Variants in AMHR2 observed in about 807,000 individuals in gnomAD.
AMHR2 encodes the protein anti-Muellerian hormone type-2 receptor.
Under a neutral mutation model 61.4 loss-of-function variants are expected in AMHR2, and 36 were observed. The observed-to-expected ratio is 0.59, with a 90% CI of 0.45 to 0.77. AMHR2 has a LOEUF of 0.77. Ranked by LOEUF, AMHR2 falls within the 30% of genes least tolerant of loss-of-function variation. The pLI is 0.00. For synonymous variants in AMHR2, 258 were observed against 279.4 expected (o/e 0.92, Z 0.76); for missense variants, 638 against 714.6 (o/e 0.89, Z 1.22).
Position 53,424,888 on chromosome 12 carries a change from C to T in AMHR2, c.412C>T (p.Gln138Ter). The T allele has an allele frequency of 3.1e-6, 5 of 1,611,526 alleles. No individual in the cohort carries two copies. Among genetic ancestry groups the T allele is most frequent in the Non-Finnish European group, 3.4e-6 (4 of 1,179,896 alleles). ...TGGGACTCCTGGCTCCCAGGGTCCC[C>T]AGGCTGCCCCAGGTAGCCACCCAAG... is the stretch of plus-strand genomic sequence containing the variant. ...SPGTPGSQGP[Q>*]AAPGESIWMA... is the part of the protein sequence containing the mutation. The change falls in exon 3 of 11, where the codon CAG becomes TAG. Residue 138 changes from glutamine to a stop codon, truncating the protein, a stop_gained. Transcript: ENST00000257863. LOFTEE classifies it high-confidence loss of function.
Position 53,425,829 on chromosome 12 carries a change from C to G in AMHR2, c.762C>G (p.His254Gln), listed in dbSNP as rs115267458. The G allele has an allele frequency of 6.2e-7, 1 of 1,614,048 alleles. No individual in the cohort carries two copies. Among genetic ancestry groups the G allele is most frequent in the Non-Finnish European group, 8.5e-7 (1 of 1,180,050 alleles). ...TGTACGAACTTCCAGGCCTACAGCA[C>G]GACCACATTGTCCGATTTATCACTG... ...RALYELPGLQ[H>Q]DHIVRFITAS... The change falls in exon 6 of 11, where the codon CAC becomes CAG. Residue 254 changes from histidine to glutamine, a missense_variant. Transcript: ENST00000257863.
In AMHR2 at chr12:53,425,931, G is replaced by C. The variant is rs1565834130; in HGVS notation, c.852+12G>C. 6.2e-7 allele frequency: 1 copy of C among 1,611,750 alleles called. No individual in the cohort carries two copies. Among genetic ancestry groups the C allele is most frequent in the Non-Finnish European group, 8.5e-7 (1 of 1,178,506 alleles). ...AACTGCATCCCAAGGTGAGCACCAA[G>C]GAGTGTATATGTGTGTGTGTGTGCC... On this transcript the variant is annotated intron_variant, in intron 6 of 10. Transcript: ENST00000257863.
At chr12:53,424,986 C>T in intron 3 of AMHR2, 86 bp downstream of exon 3, 1 of 1,551,402 alleles carries the variant, frequency 6.4e-7, no homozygotes, top group Non-Finnish European at 8.8e-7. Context: ...TCTCACCCTA[C>T]TCCCGCCCCA....
Position 53,429,600 on chromosome 12 carries a change from C to T in AMHR2, c.1115C>T (p.Pro372Leu), listed in dbSNP as rs780536444. 6 of 1,613,980 alleles carry T rather than the reference C, an allele frequency of 3.7e-6. No homozygotes were observed. The highest frequency in any genetic ancestry group is 1.3e-5 in the African/African-American group (1 of 74,902). ...CCCCCTGCCTGGACCCCTACTCAAC[C>T]ACAAGGCCCAGCTGCCATCATGGAA... ...TQPPAWTPTQ[P>L]QGPAAIMEAG... The change falls in exon 8 of 11, where the codon CCA (proline) becomes CTA (leucine). Residue 372 changes from proline to leucine, a missense_variant. By Grantham distance (98) the Pro-to-Leu change is moderately conservative (BLOSUM62 -3). Coordinates refer to ENST00000257863, the MANE Select transcript of AMHR2 (RefSeq NM_020547.3).
intron 6 of AMHR2, 136 bp downstream of exon 6, chr12:53,426,055 G>C (rs1422507765): frequency 1.0e-6 from 1 of 999,824 alleles, no homozygotes; most frequent in Non-Finnish European, 1.5e-6. Context: ...AAATGGCCAG[G>C]CGAGGTGGCC....
chr12:53,431,029 T>A, intron 10 of AMHR2, 148 bp from the exon 11 acceptor site: 3 of 1,025,380 alleles, frequency 2.9e-6, no homozygotes, highest in Non-Finnish European at 4.4e-6. Context: ...AGGGCTGGAA[T>A]TCAGCAAGAG....
chr12:53,430,026 T>C (rs753223900), intron 9 of AMHR2, 48 bp downstream of exon 9: 2 of 1,614,122 alleles, frequency 1.2e-6, no homozygotes, highest in South Asian at 2.2e-5. Flanking sequence ...CCCCCGCCCA[T>C]TCTAGGTTCA....
Position 53,429,021 on chromosome 12 carries a change from T to A in AMHR2, c.967+11T>A. 6.5e-7 allele frequency: 1 copy of A among 1,547,046 alleles called. No individual in the cohort carries two copies. Among genetic ancestry groups the A allele is most frequent in the South Asian group, 1.2e-5 (1 of 83,966 alleles). On this transcript the variant is annotated intron_variant, in intron 7 of 10. Coordinates refer to ENST00000257863, the MANE Select transcript of AMHR2 (RefSeq NM_020547.3). ...AGCGCTGGCAGAATGGTGGGTGAGC[T>A]GGGCATAGGAAGTCAAGGGAGCCAC...
intron 6 of AMHR2, among the ~76,000 whole-genome samples, chr12:53,428,076 A>G (rs1939773825): frequency 6.6e-6 from 1 of 152,234 alleles, no homozygotes; most frequent in Non-Finnish European, 1.5e-5. Flanking sequence ...CTCCTGGCCC[A>G]GCTCAAAAAT....
chr12:53,425,947 T>G (rs917014741), intron 6 of AMHR2, 28 bp downstream of exon 6: 5 of 1,593,428 alleles, frequency 3.1e-6, no homozygotes, highest in South Asian at 1.1e-5. Context: ...TATATGTGTG[T>G]GTGTGTGCCT....
Position 53,430,160 on chromosome 12 carries a change from C to A in AMHR2, c.1303C>A (p.Pro435Thr). ...PDLRPDSSPP[P>T]FQLAYEAELG... Reference sequence around the variant, plus strand: ...CCTTCCTCCAGACAGCAGTCCACCACCCTTCCAACTGGCCTATGAGGCAGA... The same window carrying A: ...CCTTCCTCCAGACAGCAGTCCACCAACCTTCCAACTGGCCTATGAGGCAGA... The change falls in exon 10 of 11, where the codon CCC becomes ACC. Residue 435 changes from proline (P) to threonine (T), a missense_variant. Physicochemically the swap from Pro to Thr is conservative, Grantham distance 38. Coordinates refer to ENST00000257863, the MANE Select transcript of AMHR2 (RefSeq NM_020547.3). 1 of 1,614,224 alleles carries A rather than the reference C, an allele frequency of 6.2e-7. No individual in the cohort carries two copies. The highest frequency in any genetic ancestry group is 8.5e-7 in the Non-Finnish European group (1 of 1,180,036).
At chr12:53,430,091 A>T in intron 9 of AMHR2, 55 bp from the exon 10 acceptor site, 1 of 1,614,044 alleles carries the variant, frequency 6.2e-7, no homozygotes, top group Non-Finnish European at 8.5e-7. Flanking sequence ...TGCCCTTTCT[A>T]CATGGTAGGC....
chr12:53,426,876 T>C (rs1165965214), intron 6 of AMHR2, among the ~76,000 whole-genome samples: 1 of 151,056 alleles, frequency 6.6e-6, no homozygotes, highest in African/African-American at 2.4e-5. Flanking sequence ...AGAGACGGGG[T>C]TTCACCATGT....
Position 53,429,519 on chromosome 12 carries a change from G to A in AMHR2, c.1034G>A (p.Gly345Glu). 1 of 1,613,620 alleles carries A rather than the reference G, an allele frequency of 6.2e-7. No homozygotes were observed. Residue 345 changes from glycine to glutamate, a missense_variant, in exon 8 of 11, where the codon GGA (glycine) becomes GAA (glutamate). Gly to Glu is a moderately conservative substitution (Grantham distance 98). Coordinates refer to ENST00000257863, the MANE Select transcript of AMHR2 (RefSeq NM_020547.3). ...SSQNVLIRED[G>E]SCAIGDLGLA... is the part of the protein sequence containing the mutation. ...CAGAATGTGCTCATTCGGGAAGATGGATCGTGTGCCATTGGAGACCTGGGC... is the reference window on the plus strand; with the variant it reads ...CAGAATGTGCTCATTCGGGAAGATGAATCGTGTGCCATTGGAGACCTGGGC...
intron 6 of AMHR2, among the ~76,000 whole-genome samples, chr12:53,428,542 A>G (rs1024062739): frequency 3.3e-5 from 5 of 152,166 alleles, no homozygotes; most frequent in African/African-American, 1.2e-4. Flanking sequence ...CTCCTGCCTC[A>G]CCGACTGACT....
chr12:53,428,907 C>T lies in AMHR2; in HGVS notation c.864C>T (p.Cys288=). The T allele has an allele frequency of 6.4e-7, 1 of 1,551,414 alleles. No homozygotes were observed. Among genetic ancestry groups the T allele is most frequent in the Non-Finnish European group, 8.7e-7 (1 of 1,146,870 alleles). ...CTGCGTTTCCCCAGGGCTCCCTGTG[C>T]CACTACTTGACCCAGTACACCAGTG... is the stretch of plus-strand genomic sequence containing the variant. The part of the protein sequence containing the change: ...VLELHPKGSL[C]HYLTQYTSDW... Residue 288 remains cysteine (C), a synonymous_variant, in exon 7 of 11, where the codon TGC becomes TGT. Coordinates refer to ENST00000257863, the MANE Select transcript of AMHR2 (RefSeq NM_020547.3).
intron 8 of AMHR2, 29 bp downstream of exon 8, chr12:53,429,654 C>T (rs1195746020): frequency 6.2e-7 from 1 of 1,611,936 alleles, no homozygotes; most frequent in Non-Finnish European, 8.5e-7. Context: ...TGGTGAGGCC[C>T]AGGATGATGT....
In AMHR2 at chr12:53,423,867, A is replaced by G. The variant is rs974297867; in HGVS notation, c.-68A>G. On this transcript the variant is annotated 5_prime_UTR_variant, in exon 1 of 11. Coordinates refer to ENST00000257863, the MANE Select transcript of AMHR2 (RefSeq NM_020547.3). ...CCCAGGATGCCCTGTATCTGAAGAA[A>G]GATTTGGCCAGGGGCAGCTGTGCTG... is the stretch of plus-strand genomic sequence containing the variant. 17 of 1,567,574 alleles carry G rather than the reference A, an allele frequency of 1.1e-5. No individual in the cohort carries two copies. In the Admixed American group the frequency reaches 2.3e-4, roughly 22 times the overall value.
intron 6 of AMHR2, among the ~76,000 whole-genome samples, chr12:53,426,530 G>A (rs867308762): frequency 6.6e-6 from 1 of 151,294 alleles, no homozygotes; most frequent in Non-Finnish European, 1.5e-5. Flanking sequence ...GGCTGAAGTG[G>A]AAGGAGCACC....
Sources: gnomAD v4.1 joint callset for allele counts (sites outside exome capture counted in the v4.1 genomes callset) on GRCh38, gnomAD v4.1.1 for gene constraint, MANE v1.5 for transcripts, NCBI Gene and HGNC (gene_info 2026-07-23, HGNC 2026-07-21) for gene names.